The following RGS6 variants were observed in gnomAD, a reference collection of about 807,000 sequenced individuals.
RGS6 encodes regulator of G-protein signaling 6.
RGS6 carries 30 observed loss-of-function variants against 78.5 expected under a neutral mutation model. The observed-to-expected ratio is 0.38, with a 90% CI of 0.29 to 0.52. The LOEUF (loss-of-function observed/expected upper bound fraction) is 0.52. Among genes scored for constraint, RGS6 ranks in the 20% least tolerant of loss-of-function variants. The pLI, the probability that RGS6 is intolerant of heterozygous loss-of-function variation, is 0.85. For missense variants in RGS6, 495 were observed against 609.7 expected (o/e 0.81, Z 1.98); for synonymous variants, 206 against 206.0 (o/e 1.00, Z 0.00).
chr14:72,366,031 G>C (rs1305260253), intron 3 of RGS6, among the ~76,000 whole-genome samples: 1 of 152,132 alleles, frequency 6.6e-6, no homozygotes, highest in South Asian at 2.1e-4. Context: ...GAGTCTGAGT[G>C]ACCCGGGACT....
chr14:72,077,570 C>A (rs959374262), intron 2 of RGS6, among the ~76,000 whole-genome samples: 19 of 152,140 alleles, frequency 1.2e-4, no homozygotes, highest in African/African-American at 4.1e-4. Context: ...ATTTACTAAA[C>A]ACTCTTGCCT....
the RGS6 span, among the ~76,000 whole-genome samples, chr14:71,902,075 G>GAAA: frequency 0.75 from 113,165 of 151,248 alleles, 43,241 homozygotes; most frequent in Non-Finnish European, 0.84. Context: ...ATTCTGAGGA[G>GAAA]AAAAAACCTG....
intron 2 of RGS6, among the ~76,000 whole-genome samples, chr14:72,202,187 A>G (rs1319546503): frequency 6.6e-6 from 1 of 152,178 alleles, no homozygotes; most frequent in African/African-American, 2.4e-5. Context: ...CAAATTAGGG[A>G]ATACAAATTA....
chr14:71,915,192 G>C, the RGS6 span, among the ~76,000 whole-genome samples: 1 of 151,922 alleles, frequency 6.6e-6, no homozygotes, highest in Non-Finnish European at 1.5e-5. Context: ...GGGAGGCAGA[G>C]GTTGCAGTGA....
chr14:72,049,363 C>G (rs36739), intron 2 of RGS6, among the ~76,000 whole-genome samples: 40,721 of 152,128 alleles, frequency 0.27, 5,812 homozygotes, highest in Admixed American at 0.32. Context: ...TTTACTTGTC[C>G]TTAACATGGG....
intron 2 of RGS6, among the ~76,000 whole-genome samples, chr14:72,283,549 C>T (rs988672837): frequency 2.6e-5 from 4 of 152,200 alleles, no homozygotes; most frequent in Non-Finnish European, 5.9e-5. Context: ...CTCTCACTCT[C>T]TCTTGTCTGC....
chr14:72,350,594 C>A (rs2078929357), intron 2 of RGS6, among the ~76,000 whole-genome samples: 1 of 152,174 alleles, frequency 6.6e-6, no homozygotes, highest in Admixed American at 6.5e-5. Context: ...CTCCAGAATT[C>A]TCTCTTGTCC....
intron 15 of RGS6, among the ~76,000 whole-genome samples, chr14:72,529,451 C>G (rs777462330): frequency 7.9e-5 from 12 of 152,122 alleles, no homozygotes; most frequent in Non-Finnish European, 1.3e-4. Context: ...TATCTTTCTC[C>G]CCACACCATC....
chr14:72,019,004 A>C (rs138177958), intron 2 of RGS6, among the ~76,000 whole-genome samples: 95 of 152,264 alleles, frequency 6.2e-4, no homozygotes, highest in Non-Finnish European at 2.9e-4. Context: ...CTCTAAATGA[A>C]ATTTCAATAT....
chr14:72,472,935 G>T lies in RGS6; in HGVS notation c.600G>T (p.Trp200Cys). ...TGGATAGTCAAGAACGAGCCTTTTGGGATGTCCACAGGCCTGTGGTGAGAA... is the reference window on the plus strand; with the variant it reads ...TGGATAGTCAAGAACGAGCCTTTTGTGATGTCCACAGGCCTGTGGTGAGAA... ...KILDSQERAF[W>C]DVHRPVPGCV... Residue 200 changes from tryptophan (W) to cysteine (C), a missense_variant, in exon 9 of 18, where the codon TGG (tryptophan) becomes TGT (cysteine). Transcript: ENST00000553525. 1 of 1,612,622 alleles carries T rather than the reference G, an allele frequency of 6.2e-7. No individual in the cohort carries two copies. Among genetic ancestry groups the T allele is most frequent in the Non-Finnish European group, 8.5e-7 (1 of 1,179,324 alleles).
intron 3 of RGS6, among the ~76,000 whole-genome samples, chr14:72,363,163 G>T (rs2081812758): frequency 6.6e-6 from 1 of 152,164 alleles, no homozygotes; most frequent in South Asian, 2.1e-4. Flanking sequence ...AGGTGGGGCT[G>T]CTTTTATCTC....
the RGS6 span, among the ~76,000 whole-genome samples, chr14:72,624,196 G>A: frequency 6.6e-6 from 1 of 152,064 alleles, no homozygotes; most frequent in Non-Finnish European, 1.5e-5. Flanking sequence ...GCAGAGAATT[G>A]TACTCACTGT....
chr14:72,336,982 G>A (rs1417996177), intron 2 of RGS6, among the ~76,000 whole-genome samples: 2 of 152,058 alleles, frequency 1.3e-5, no homozygotes, highest in Admixed American at 6.5e-5. Context: ...ATTTTAACTC[G>A]ATTACCTCTG....
chr14:71,872,952 C>A, the RGS6 span, among the ~76,000 whole-genome samples: 1 of 152,172 alleles, frequency 6.6e-6, no homozygotes, highest in Non-Finnish European at 1.5e-5. Flanking sequence ...TCATCCATGA[C>A]CCTACAAAGG....
chr14:72,023,045 C>T (rs964207297), intron 2 of RGS6, among the ~76,000 whole-genome samples: 6 of 152,224 alleles, frequency 3.9e-5, no homozygotes, highest in Admixed American at 6.5e-5. Context: ...AGTTAGAAGG[C>T]GTGTCCTGCC....
intron 2 of RGS6, among the ~76,000 whole-genome samples, chr14:72,183,335 T>A (rs1416599844): frequency 6.6e-6 from 1 of 152,236 alleles, no homozygotes; most frequent in Non-Finnish European, 1.5e-5. Flanking sequence ...ACATTCACAG[T>A]CATATATCTC....
intron 1 of RGS6, among the ~76,000 whole-genome samples, chr14:71,944,191 A>G (rs1430142121): frequency 1.3e-5 from 2 of 152,246 alleles, no homozygotes; most frequent in Admixed American, 6.5e-5. Flanking sequence ...TGCTCAGCCT[A>G]CAAAACTATG....
chr14:72,393,032 G>C (rs1257866715), intron 3 of RGS6, among the ~76,000 whole-genome samples: 1 of 152,170 alleles, frequency 6.6e-6, no homozygotes, highest in African/African-American at 2.4e-5. Flanking sequence ...AAAGTGACAG[G>C]CTTCTGAAGA....
At chr14:72,157,590 T>G (rs147748196) in intron 2 of RGS6, among the ~76,000 whole-genome samples, 38 of 152,308 alleles carry the variant, frequency 2.5e-4, no homozygotes, top group Admixed American at 2.2e-3. Flanking sequence ...GCTTATAAAT[T>G]ACAAGATATT....
Sources: allele counts gnomAD v4.1 joint callset (sites outside exome capture counted in the v4.1 genomes callset), GRCh38; gene constraint gnomAD v4.1.1; transcripts MANE v1.5; gene names NCBI Gene and HGNC (gene_info 2026-07-23, HGNC 2026-07-21).